Variants in NEK11 observed in about 807,000 individuals in gnomAD.
NEK11 encodes the protein NIMA related kinase 11.
NEK11 carries 72 observed loss-of-function variants against 80.7 expected under a neutral mutation model. The ratio of observed to expected loss-of-function variants is 0.89; its 90% CI spans 0.74 to 1.08. The LOEUF is 1.08. NEK11 is among the 50% of genes least tolerant of loss of function. The probability of loss-of-function intolerance (pLI) is 0.00; values close to 1 mark genes in which losing one functional copy is unlikely to be tolerated. For synonymous variants in NEK11, 251 were observed against 260.7 expected, an observed-to-expected ratio of 0.96 and a Z score of 0.36; for missense variants, 764 against 763.6, an observed-to-expected ratio of 1.00 and a Z score of -0.01.
At chr3:131,224,448 C>T (rs187198462) in intron 14 of NEK11, among the ~76,000 whole-genome samples, 16 of 152,160 alleles carry the variant, frequency 1.1e-4, no homozygotes, top group Admixed American at 4.6e-4. Flanking sequence ...AGGCTGTTCT[C>T]GAACTCCTGA....
chr3:131,139,315 A>G (rs892258605), intron 7 of NEK11, among the ~76,000 whole-genome samples: 1 of 148,930 alleles, frequency 6.7e-6, no homozygotes, highest in African/African-American at 2.4e-5. Flanking sequence ...AAGACAGGAT[A>G]TTGGAAAATA....
chr3:131,104,038 G>C (rs2078795256), intron 4 of NEK11, among the ~76,000 whole-genome samples: 2 of 152,202 alleles, frequency 1.3e-5, no homozygotes, highest in Admixed American at 6.5e-5. Flanking sequence ...CAGCTGTGCT[G>C]TGGGCCCAAG....
chr3:131,039,215 A>G (rs2066089659), intron 3 of NEK11, among the ~76,000 whole-genome samples: 1 of 152,036 alleles, frequency 6.6e-6, no homozygotes, highest in South Asian at 2.1e-4. Flanking sequence ...TTTCATCGAG[A>G]TGTTTTATAA....
intron 16 of NEK11, among the ~76,000 whole-genome samples, chr3:131,270,074 C>T (rs75277201): frequency 0.042 from 6,453 of 152,180 alleles, 439 homozygotes; most frequent in African/African-American, 0.15. Context: ...GAAGGGTTGC[C>T]GTGAGGTAAG....
chr3:131,141,641 T>G (rs1360029568), intron 7 of NEK11, among the ~76,000 whole-genome samples: 1 of 152,236 alleles, frequency 6.6e-6, no homozygotes, highest in East Asian at 1.9e-4. Context: ...GGGGTATTTA[T>G]TTGTTCATTT....
At chr3:131,041,036 T>G (rs1287580258) in intron 3 of NEK11, among the ~76,000 whole-genome samples, 3 of 152,238 alleles carry the variant, frequency 2.0e-5, no homozygotes, top group Non-Finnish European at 4.4e-5. Flanking sequence ...TTTGCTTATG[T>G]CTTTCATCTC....
At chr3:131,294,910 A>G (rs184125680) in intron 17 of NEK11, among the ~76,000 whole-genome samples, 29 of 152,198 alleles carry the variant, frequency 1.9e-4, no homozygotes, top group African/African-American at 4.6e-4. Flanking sequence ...ATTTCTTTTA[A>G]TGAGTTTTCA....
chr3:131,037,364 G>A (rs542572512), intron 3 of NEK11, among the ~76,000 whole-genome samples: 1 of 151,280 alleles, frequency 6.6e-6, no homozygotes, highest in East Asian at 1.9e-4. Flanking sequence ...GCTCACTGCA[G>A]CCTCCATCTC....
intron 3 of NEK11, among the ~76,000 whole-genome samples, chr3:131,064,643 A>G (rs2071538107): frequency 6.6e-6 from 1 of 152,200 alleles, no homozygotes; most frequent in Admixed American, 6.6e-5. Flanking sequence ...GACAGTGTTG[A>G]TGGTTGCAGA....
At chr3:131,208,303 G>C (rs1247314871) in intron 14 of NEK11, among the ~76,000 whole-genome samples, 1 of 152,128 alleles carries the variant, frequency 6.6e-6, no homozygotes, top group Non-Finnish European at 1.5e-5. Context: ...TGAGGGCTCT[G>C]TTCTGTTCCA....
At chr3:131,064,374 C>A (rs748846557) in intron 3 of NEK11, among the ~76,000 whole-genome samples, 1 of 152,106 alleles carries the variant, frequency 6.6e-6, no homozygotes, top group Non-Finnish European at 1.5e-5. Flanking sequence ...TTGTAGATGG[C>A]CACCTCCTTG....
intron 4 of NEK11, among the ~76,000 whole-genome samples, chr3:131,090,642 T>A (rs2076589779): frequency 6.6e-6 from 1 of 152,240 alleles, no homozygotes; most frequent in South Asian, 2.1e-4. Flanking sequence ...TTCATATTGC[T>A]GAGTTAAAAT....
intron 4 of NEK11, among the ~76,000 whole-genome samples, chr3:131,091,097 A>G (rs1173108911): frequency 1.3e-5 from 2 of 152,230 alleles, no homozygotes; most frequent in Middle Eastern, 3.2e-3. Flanking sequence ...ATGCAAAACA[A>G]ATAGTTTTTC....
At chr3:131,261,453 G>C in intron 16 of NEK11, among the ~76,000 whole-genome samples, 1 of 152,106 alleles carries the variant, frequency 6.6e-6, no homozygotes, top group Non-Finnish European at 1.5e-5. Context: ...TCCTTTGATT[G>C]CTCTTTATCT....
intron 17 of NEK11, among the ~76,000 whole-genome samples, chr3:131,299,440 C>T (rs895893467): frequency 1.3e-5 from 2 of 152,184 alleles, no homozygotes; most frequent in Admixed American, 6.5e-5. Flanking sequence ...GATCCACCTG[C>T]CTCAGCCTCC....
In NEK11 at chr3:131,066,830, A is replaced by G. The variant is rs184163094; in HGVS notation, c.171-13593A>G. On this transcript the variant is annotated intron_variant, in intron 3 of 17. Transcript: ENST00000383366. ...ACACTCCAGCCTGGGCGACAGAGCC[A>G]GACTTGTCTCAAAAAAAAAAAAAAA... Among the ~76,000 whole-genome samples the G allele has an allele frequency of 2.3e-3, 343 of 148,780 alleles. 1 individual carries two copies. Among genetic ancestry groups the G allele is most frequent in the African/African-American group, 8.0e-3 (322 of 40,164 alleles).
chr3:131,094,315 T>C (rs1578166818), intron 4 of NEK11, among the ~76,000 whole-genome samples: 2 of 152,024 alleles, frequency 1.3e-5, no homozygotes, highest in African/African-American at 4.8e-5. Flanking sequence ...TTTAGCATAA[T>C]GCATTAAAAT....
At chr3:131,070,849 A>G (rs1475461927) in intron 3 of NEK11, among the ~76,000 whole-genome samples, 1 of 152,204 alleles carries the variant, frequency 6.6e-6, no homozygotes, top group African/African-American at 2.4e-5. Flanking sequence ...TGGTGGCTCC[A>G]TTGTAACTTG....
intron 5 of NEK11, among the ~76,000 whole-genome samples, chr3:131,130,894 C>T (rs1475866256): frequency 7.2e-5 from 11 of 152,062 alleles, no homozygotes; most frequent in African/African-American, 2.4e-5. Context: ...CTCTGTCTCC[C>T]GGGTTCAAGC....
Sources: allele counts gnomAD v4.1 joint callset (sites outside exome capture counted in the v4.1 genomes callset), GRCh38; gene constraint gnomAD v4.1.1; transcripts MANE v1.5; gene names NCBI Gene and HGNC (gene_info 2026-07-23, HGNC 2026-07-21).